Variants in PIGS observed in about 807,000 individuals in gnomAD.
PIGS encodes GPI-anchor transamidase component PIGS.
Under a neutral mutation model 58.2 loss-of-function variants are expected in PIGS, and 37 were observed. The observed-to-expected ratio is 0.64, with a 90% CI of 0.49 to 0.84. PIGS has a LOEUF of 0.84. Ranked by LOEUF, PIGS falls within the 40% of genes least tolerant of loss-of-function variation. The pLI, the probability that PIGS is intolerant of heterozygous loss-of-function variation, is 0.00. For missense variants in PIGS, 629 were observed against 710.8 expected (o/e 0.88, Z 1.31); for synonymous variants, 269 against 289.2 (o/e 0.93, Z 0.71).
chr17:28,555,882 T>C lies in PIGS; in HGVS notation c.1181+284A>G, dbSNP rs551940187. 5.6e-4 allele frequency: 165 copies of C among 292,446 alleles called. 2 individuals carry two copies. Among genetic ancestry groups the C allele is most frequent in the South Asian group, 2.7e-3 (68 of 24,804 alleles). 18.1% of individuals were successfully genotyped at this position (292,446 alleles called of 1,614,324 possible). A position where few individuals can be genotyped will look rare whatever the true frequency, so the allele number is the denominator to read the frequency against. ...CTACTCGGGAGGCTGAGGCAGAGAA[T>C]TGCTTGAACCCGGGAGGTGGAGGTT... On this transcript the variant is annotated intron_variant, in intron 10 of 11. Transcript: ENST00000308360.
At chr17:28,564,123 T>C (rs1003270875) in intron 3 of PIGS, among the ~76,000 whole-genome samples, 1 of 152,218 alleles carries the variant, frequency 6.6e-6, no homozygotes, top group African/African-American at 2.4e-5. Flanking sequence ...CCTTCACCTC[T>C]GCACACACTG....
intron 3 of PIGS, among the ~76,000 whole-genome samples, chr17:28,569,097 C>CAA (rs564819903): frequency 7.6e-5 from 4 of 52,328 alleles, no homozygotes; most frequent in East Asian, 5.2e-4. Context: ...AACTCCATCT[C>CAA]AAAAAAAAAA....
intron 3 of PIGS, among the ~76,000 whole-genome samples, chr17:28,566,275 T>C (rs1475215430): frequency 2.7e-5 from 4 of 148,504 alleles, no homozygotes; most frequent in Non-Finnish European, 6.0e-5. Flanking sequence ...TCTTTTCTTT[T>C]TTTTTTTTTT....
intron 11 of PIGS, 67 bp from the exon 12 acceptor site, chr17:28,554,562 C>T: frequency 6.6e-7 from 1 of 1,519,756 alleles, no homozygotes; most frequent in Non-Finnish European, 9.0e-7. Flanking sequence ...GGGTGCTGGG[C>T]CTTACTGTGC....
intron 11 of PIGS, 96 bp downstream of exon 11, chr17:28,554,755 T>A: frequency 1.3e-6 from 2 of 1,492,094 alleles, no homozygotes; most frequent in Non-Finnish European, 1.9e-6. Context: ...AGCCCACACA[T>A]ACCATGGACC....
chr17:28,571,079 G>T lies in PIGS; in HGVS notation c.144C>A (p.Tyr48Ter). The change falls in exon 2 of 12, where the codon TAC becomes TAA. Residue 48 changes from tyrosine to a stop codon, truncating the protein, a stop_gained. Coordinates refer to ENST00000308360, the MANE Select transcript of PIGS (RefSeq NM_033198.4). LOFTEE classifies it high-confidence loss of function. ...GGGCATTCAGGCCACTGATCTGGGA[G>T]TAAGGCAACGAGGCCCGGTAGGTCT... ...TTETYRASLP[Y>*]SQISGLNALQ... The T allele has an allele frequency of 6.2e-7, 1 of 1,614,166 alleles. No individual in the cohort carries two copies. The highest frequency in any genetic ancestry group is 8.5e-7 in the Non-Finnish European group (1 of 1,180,038).
chr17:28,571,205 C>A lies in PIGS; in HGVS notation c.35-17G>T. 2 of 1,608,694 alleles carry A rather than the reference C, an allele frequency of 1.2e-6. No homozygotes were observed. The highest frequency in any genetic ancestry group is 1.1e-5 in the South Asian group (1 of 90,810). On this transcript the variant is annotated splice_polypyrimidine_tract_variant and intron_variant, in intron 1 of 11. Transcript: ENST00000308360. ...GGGCCACCTCTGAGGGCATGGGGAA[C>A]CGACTGAGGCGCTGGAAACGGGCTA...
chr17:28,561,299 AAAAT>A, intron 6 of PIGS, 119 bp downstream of exon 6: 1 of 661,430 alleles, frequency 1.5e-6, no homozygotes, highest in Non-Finnish European at 2.2e-6. Context: ...ATAATAACAT[AAAAT>A]AAATAAGAAA....
rs763461547 is a variant in PIGS at position 28,561,481 on chromosome 17, T to A, written c.617A>T (p.Asp206Val). The part of the protein sequence containing the change: ...TEDVLAAALA[D>V]HLPEDKWSAE... ...GCTCCACTTGTCCTCTGGAAGGTGG[T>A]CAGCCAGAGCAGCAGCAAGCACATC... Residue 206 changes from aspartate (D) to valine (V), a missense_variant, in exon 6 of 12, where the codon GAC becomes GTC. Coordinates refer to ENST00000308360, the MANE Select transcript of PIGS (RefSeq NM_033198.4). The A allele has an allele frequency of 6.2e-7, 1 of 1,614,038 alleles. No individual in the cohort carries two copies. The highest frequency in any genetic ancestry group is 1.7e-5 in the Admixed American group (1 of 60,020).
rs927237506 is a variant in PIGS, at chr17:28,554,072, G to A, written c.*148C>T. ...GAAGAAAAGATGAACCCATCTTGGA[G>A]TGTTGTACTTTGGTTGCTGGAGAGC... On this transcript the variant is annotated 3_prime_UTR_variant, in exon 12 of 12. Coordinates refer to ENST00000308360, the MANE Select transcript of PIGS (RefSeq NM_033198.4). The A allele has an allele frequency of 4.1e-6, 4 of 985,980 alleles. No individual in the cohort carries two copies. The African/African-American group carries it at 4.9e-5, about 12-fold the overall frequency. The allele number at this position is 985,980 out of a possible 1,614,324, so 61.1% of individuals were successfully genotyped here. A position where few individuals can be genotyped will look rare whatever the true frequency, so the allele number is the denominator to read the frequency against.
chr17:28,561,626 TGTCCTGTGGGGGTGAGCAAGAGAC>T lies in PIGS; in HGVS notation c.469-21_471del, dbSNP rs755186412. On this transcript the variant is annotated splice_acceptor_variant and splice_polypyrimidine_tract_variant and coding_sequence_variant and intron_variant, in exon 6 of 12. Coordinates refer to ENST00000308360, the MANE Select transcript of PIGS (RefSeq NM_033198.4). LOFTEE classifies it high-confidence loss of function. ...CTCTTGGGCCCAATGTAGCTCATCA[TGTCCTGTGGGGGTGAGCAAGAGAC>T]AGAATGCCCATGGCTCAGAAAAGAA... 1.1e-5 allele frequency: 18 copies of T among 1,611,392 alleles called. No individual in the cohort carries two copies. The highest frequency in any genetic ancestry group is 1.4e-5 in the Non-Finnish European group (17 of 1,178,652).
rs1567616598 is a variant in PIGS, at chr17:28,563,490, G to A, written c.409C>T (p.Gln137Ter). ...TACACAGTCAGGGAGCCCTCCGCTT[G>A]TTCCTGAGGCTCATCTAACATGGCT... ...AEAMLDEPQE[Q>*]AEGSLTVYVI... The change falls in exon 5 of 12, where the codon CAA (glutamine) becomes TAA (stop). Residue 137 changes from glutamine (Q) to a stop codon, truncating the protein, a stop_gained. Transcript: ENST00000308360. LOFTEE classifies it high-confidence loss of function. 1.2e-6 allele frequency: 2 copies of A among 1,614,104 alleles called. No individual in the cohort carries two copies. Among genetic ancestry groups the A allele is most frequent in the Non-Finnish European group, 1.7e-6 (2 of 1,180,034 alleles).
chr17:28,561,686 C>T, intron 5 of PIGS, 57 bp from the exon 6 acceptor site: 1 of 1,529,664 alleles, frequency 6.5e-7, no homozygotes, highest in Non-Finnish European at 8.9e-7. Context: ...AGCCAAAAAG[C>T]ACCCTGGCTC....
At chr17:28,564,003 A>T in intron 3 of PIGS, 96 bp from the exon 4 acceptor site, 1 of 1,048,916 alleles carries the variant, frequency 9.5e-7, no homozygotes, top group Non-Finnish European at 1.4e-6. Flanking sequence ...GAGGACAGCA[A>T]GATGGCTGTT....
intron 2 of PIGS, 39 bp downstream of exon 2, chr17:28,571,010 G>C (rs749356692): frequency 3.1e-6 from 5 of 1,614,146 alleles, no homozygotes; most frequent in South Asian, 2.2e-5. Flanking sequence ...CACCTTGCCG[G>C]GGGGGCTGTC....
At chr17:28,563,050 G>A (rs955395930) in intron 5 of PIGS, among the ~76,000 whole-genome samples, 2 of 152,192 alleles carry the variant, frequency 1.3e-5, no homozygotes, top group African/African-American at 4.8e-5. Context: ...GCTCACGCCT[G>A]TAATCTCAGC....
In PIGS at chr17:28,554,972, T is replaced by G. The variant is rs1424389398; in HGVS notation, c.1271A>C (p.Asp424Ala). The G allele has an allele frequency of 1.2e-6, 2 of 1,611,912 alleles. No individual in the cohort carries two copies. Among genetic ancestry groups the G allele is most frequent in the Non-Finnish European group, 1.7e-6 (2 of 1,178,750 alleles). Reference protein sequence around the residue: ...TSEGLMTWELDRLLWARSVEN... With the variant: ...TSEGLMTWELARLLWARSVEN... ...CACTGACCGAGCCCAGAGCAGCCGG[T>G]CTAGCTCCCAGGTCATTAGCCCTTC... is the stretch of plus-strand genomic sequence containing the variant. The change falls in exon 11 of 12, where the codon GAC (aspartate) becomes GCC (alanine). Residue 424 changes from aspartate (D) to alanine (A), a missense_variant. Coordinates refer to ENST00000308360, the MANE Select transcript of PIGS (RefSeq NM_033198.4).
At chr17:28,571,407 CT>C in intron 1 of PIGS, 55 bp downstream of exon 1, 1 of 1,595,360 alleles carries the variant, frequency 6.3e-7, no homozygotes, top group South Asian at 1.1e-5. Context: ...CCCACCCCTG[CT>C]ATTCCTCCCT....
chr17:28,554,089 C>T lies in PIGS; in HGVS notation c.*131G>A. 1 of 1,232,272 alleles carries T rather than the reference C, an allele frequency of 8.1e-7. No homozygotes were observed. The highest frequency in any genetic ancestry group is 1.1e-6 in the Non-Finnish European group (1 of 881,650). 76.3% of individuals were successfully genotyped at this position (1,232,272 alleles called of 1,614,324 possible). A position where few individuals can be genotyped will look rare whatever the true frequency, so the allele number is the denominator to read the frequency against. On this transcript the variant is annotated 3_prime_UTR_variant, in exon 12 of 12. Transcript: ENST00000308360. ...ATCTTGGAGTGTTGTACTTTGGTTG[C>T]TGGAGAGCCAACAGTGGAGACTGGA...
Sources: allele counts gnomAD v4.1 joint callset (sites outside exome capture counted in the v4.1 genomes callset), GRCh38; gene constraint gnomAD v4.1.1; transcripts MANE v1.5; gene names NCBI Gene and HGNC (gene_info 2026-07-23, HGNC 2026-07-21).